Variants in ATP10A observed in about 807,000 individuals in gnomAD.
ATP10A encodes the protein ATPase phospholipid transporting 10A (putative), also known as phospholipid-transporting ATPase VA.
ATP10A carries 111 observed loss-of-function variants against 147.8 expected under a neutral mutation model. That is an observed-to-expected ratio of 0.75 (90% CI 0.64 to 0.88). ATP10A has a LOEUF of 0.88. ATP10A is among the 40% of genes least tolerant of loss of function. ATP10A has a pLI of 0.00. For missense variants in ATP10A, 1,927 were observed against 1,959.0 expected (o/e 0.98, Z 0.31); for synonymous variants, 875 against 841.6 (o/e 1.04, Z -0.69).
At chr15:25,767,039 T>C (rs1254615105) in intron 2 of ATP10A, among the ~76,000 whole-genome samples, 1 of 152,182 alleles carries the variant, frequency 6.6e-6, no homozygotes, top group African/African-American at 2.4e-5. Flanking sequence ...AGAGGGCTGC[T>C]CCGCTACGTA....
chr15:25,794,005 G>C (rs1890549647), intron 1 of ATP10A, among the ~76,000 whole-genome samples: 1 of 152,234 alleles, frequency 6.6e-6, no homozygotes, highest in African/African-American at 2.4e-5. Context: ...ATGTGTATGG[G>C]AGGGAGAGAA....
At chr15:25,787,512 G>A (rs1287999960) in intron 1 of ATP10A, among the ~76,000 whole-genome samples, 2 of 151,718 alleles carry the variant, frequency 1.3e-5, no homozygotes, top group Non-Finnish European at 2.9e-5. Flanking sequence ...TCAGAAAGCT[G>A]AGGTGGGAGA....
intron 1 of ATP10A, among the ~76,000 whole-genome samples, chr15:25,856,706 C>T (rs983936675): frequency 1.3e-5 from 2 of 152,058 alleles, no homozygotes; most frequent in Non-Finnish European, 2.9e-5. Flanking sequence ...AGTAAGCACA[C>T]GTGTCTCCTA....
At position 25,713,866 on chromosome 15, in the gene ATP10A, G is replaced by T; in HGVS notation, c.2152C>A (p.Leu718Met). 6.2e-7 allele frequency: 1 copy of T among 1,613,888 alleles called. No individual in the cohort carries two copies. Reference protein sequence around the residue: ...RAYNCVLVERLHDQVSVELPH... With the variant: ...RAYNCVLVERMHDQVSVELPH... ...AGCTCCACTGACACTTGGTCGTGCAGCCGCTCCACAAGCACGCAGTTGTAG... is the reference window on the plus strand; with the variant it reads ...AGCTCCACTGACACTTGGTCGTGCATCCGCTCCACAAGCACGCAGTTGTAG... Residue 718 changes from leucine (L) to methionine (M), a missense_variant, in exon 10 of 21, where the codon CTG becomes ATG. By Grantham distance (15) the Leu-to-Met change is conservative (BLOSUM62 2). Transcript: ENST00000555815.
At position 25,683,288 on chromosome 15, in the gene ATP10A, C is replaced by G; in HGVS notation, c.3490G>C (p.Glu1164Gln). ...GCGGAGACTCGGGGGAGCTTTACCT[C>G]CATGTTCTGGCCACTCTTGTAGAGC... ...PQLYKSGQNM[E>Q]EYRPRTFWFN... The change falls in exon 17 of 21, where the codon GAG becomes CAG. Residue 1164 changes from glutamate to glutamine, a missense_variant and splice_region_variant. Glu to Gln is a conservative substitution (Grantham distance 29). Coordinates refer to ENST00000555815, the MANE Select transcript of ATP10A (RefSeq NM_024490.4). The G allele has an allele frequency of 1.2e-6, 2 of 1,613,538 alleles. No homozygotes were observed. Among genetic ancestry groups the G allele is most frequent in the Non-Finnish European group, 1.7e-6 (2 of 1,179,960 alleles).
Position 25,708,234 on chromosome 15 carries a change from G to A in ATP10A, c.2411C>T (p.Ala804Val), listed in dbSNP as rs763990614. Reference protein sequence around the residue: ...SKTQNYLNVYAAEGLRTLCIA... With the variant: ...SKTQNYLNVYVAEGLRTLCIA... ...GCACAAGGTGCGCAGGCCTTCCGCC[G>A]CATACACGTTGAGGTAATTCTGAGT... The change falls in exon 11 of 21, where the codon GCG becomes GTG. Residue 804 changes from alanine to valine, a missense_variant. Transcript: ENST00000555815. The A allele has an allele frequency of 4.3e-6, 7 of 1,614,190 alleles. No individual in the cohort carries two copies. Among genetic ancestry groups the A allele is most frequent in the East Asian group, 2.2e-5 (1 of 44,862 alleles).
chr15:25,754,577 C>G (rs964463697), intron 2 of ATP10A, among the ~76,000 whole-genome samples: 2 of 152,086 alleles, frequency 1.3e-5, no homozygotes, highest in African/African-American at 4.8e-5. Flanking sequence ...CTGGGTCAGA[C>G]AGAAAATGGA....
intron 3 of ATP10A, among the ~76,000 whole-genome samples, chr15:25,735,697 T>C (rs1439632584): frequency 6.6e-6 from 1 of 152,178 alleles, no homozygotes; most frequent in Non-Finnish European, 1.5e-5. Flanking sequence ...CATATATCCA[T>C]GAAACTCCAC....
At chr15:25,773,220 C>A (rs1213121467) in intron 2 of ATP10A, among the ~76,000 whole-genome samples, 1 of 152,152 alleles carries the variant, frequency 6.6e-6, no homozygotes, top group Non-Finnish European at 1.5e-5. Flanking sequence ...AGCCCTAATA[C>A]CACAGTGAGA....
chr15:25,855,926 A>G (rs1465344251), intron 1 of ATP10A, among the ~76,000 whole-genome samples: 1 of 152,224 alleles, frequency 6.6e-6, no homozygotes, highest in Non-Finnish European at 1.5e-5. Context: ...TTAGATCTAA[A>G]TAAAGAATGT....
chr15:25,679,907 T>C lies in ATP10A; in HGVS notation c.3934A>G (p.Arg1312Gly). The change falls in exon 21 of 21, where the codon AGG becomes GGG. Residue 1312 changes from arginine to glycine, a missense_variant. Transcript: ENST00000555815. ...TQLQLARQLTRKSPRRCSAPK... is the reference protein window; with the variant it reads ...TQLQLARQLTGKSPRRCSAPK... ...GCACTGCATCTCCTGGGGGACTTCC[T>C]GGTCAACTGACGTGCCAGCTGAAGT... The C allele has an allele frequency of 1.9e-6, 3 of 1,610,398 alleles. No homozygotes were observed. The highest frequency in any genetic ancestry group is 2.5e-6 in the Non-Finnish European group (3 of 1,178,970).
At chr15:25,826,588 A>G (rs1026800884) in intron 1 of ATP10A, among the ~76,000 whole-genome samples, 3 of 152,162 alleles carry the variant, frequency 2.0e-5, no homozygotes, top group African/African-American at 7.2e-5. Flanking sequence ...TGAGGTCAGG[A>G]GTTTACGACC....
chr15:25,691,025 C>A (rs74003864), intron 15 of ATP10A, among the ~76,000 whole-genome samples: 1 of 152,062 alleles, frequency 6.6e-6, no homozygotes, highest in Non-Finnish European at 1.5e-5. Context: ...CATTACTGAT[C>A]GAACCACTGA....
chr15:25,696,432 G>T (rs995019562), intron 13 of ATP10A, among the ~76,000 whole-genome samples: 4 of 152,192 alleles, frequency 2.6e-5, no homozygotes, highest in African/African-American at 9.6e-5. Flanking sequence ...GAGAATGCAG[G>T]ATGCCATCAC....
At chr15:25,796,989 A>G (rs1230782220) in intron 1 of ATP10A, among the ~76,000 whole-genome samples, 1 of 152,238 alleles carries the variant, frequency 6.6e-6, no homozygotes, top group African/African-American at 2.4e-5. Context: ...TTTTCTGATG[A>G]GAACATTTAA....
At chr15:25,841,034 G>A (rs965382833) in intron 1 of ATP10A, among the ~76,000 whole-genome samples, 2 of 152,034 alleles carry the variant, frequency 1.3e-5, no homozygotes, top group African/African-American at 4.8e-5. Flanking sequence ...ACGTATTCTA[G>A]ATATTAGTGC....
At chr15:25,810,382 C>T (rs969021976) in intron 1 of ATP10A, among the ~76,000 whole-genome samples, 2 of 152,206 alleles carry the variant, frequency 1.3e-5, no homozygotes, top group Admixed American at 1.3e-4. Flanking sequence ...CAGCTGTCAC[C>T]ACTGCTTATC....
At chr15:25,716,275 G>A (rs1451989618) in intron 9 of ATP10A, among the ~76,000 whole-genome samples, 1 of 152,192 alleles carries the variant, frequency 6.6e-6, no homozygotes, top group African/African-American at 2.4e-5. Flanking sequence ...CTGGGCCCCC[G>A]GCCTGTCTTG....
chr15:25,687,604 G>C (rs1192829455), intron 16 of ATP10A, 99 bp downstream of exon 16: 2 of 777,218 alleles, frequency 2.6e-6, no homozygotes, highest in East Asian at 2.4e-4. Flanking sequence ...GTTGTCCATG[G>C]CCTCCCATCT....
Sources: gnomAD v4.1 joint callset for allele counts (sites outside exome capture counted in the v4.1 genomes callset) on GRCh38, gnomAD v4.1.1 for gene constraint, MANE v1.5 for transcripts, NCBI Gene and HGNC (gene_info 2026-07-23, HGNC 2026-07-21) for gene names.